The following GRAMD4 variants were observed in gnomAD, a reference collection of about 807,000 sequenced individuals.
GRAMD4 encodes GRAM domain containing 4, also known as GRAM domain-containing protein 4.
GRAMD4 carries 25 observed loss-of-function variants against 83.9 expected under a neutral mutation model. That is an observed-to-expected ratio of 0.30 (90% CI 0.22 to 0.42). The LOEUF is 0.42. Among genes scored for constraint, GRAMD4 ranks in the 10% least tolerant of loss-of-function variants. The pLI is 1.00. For synonymous variants in GRAMD4, 336 were observed against 320.9 expected (o/e 1.05, Z -0.50); for missense variants, 593 against 788.7 (o/e 0.75, Z 2.97).
At chr22:46,682,691 A>C (rs2082676772), downstream of GRAMD4, among the ~76,000 whole-genome samples, 1 of 152,240 alleles carries the variant, frequency 6.6e-6, no homozygotes, top group South Asian at 2.1e-4. Context: ...AATGCCTTCC[A>C]GTGTAGCACG....
chr22:46,680,885 CCT>C (rs2082666830), downstream of GRAMD4, among the ~76,000 whole-genome samples: 1 of 110,020 alleles, frequency 9.1e-6, no homozygotes, highest in African/African-American at 3.8e-5. Flanking sequence ...TATCCATCTA[CCT>C]ACCCATCCAT....
At chr22:46,670,522 G>A (rs929901354) in intron 13 of GRAMD4, among the ~76,000 whole-genome samples, 32 of 152,180 alleles carry the variant, frequency 2.1e-4, no homozygotes, top group African/African-American at 7.7e-4. Flanking sequence ...GTGCACTTGC[G>A]GCCCTGGACA....
At chr22:46,670,163 T>TG (rs1251872329) in intron 13 of GRAMD4, among the ~76,000 whole-genome samples, 1 of 152,198 alleles carries the variant, frequency 6.6e-6, no homozygotes, top group African/African-American at 2.4e-5. Flanking sequence ...AGAGGAGCAG[T>TG]GGGGGCTGTG....
In GRAMD4 at chr22:46,668,152, C is replaced by T. The variant is rs372744256; in HGVS notation, c.915C>T (p.Val305=). 1.1e-5 allele frequency: 18 copies of T among 1,611,670 alleles called. No homozygotes were observed. The highest frequency in any genetic ancestry group is 2.7e-5 in the African/African-American group (2 of 74,906). The change falls in exon 11 of 19, where the codon GTC becomes GTT. Residue 305 remains valine, a synonymous_variant. Transcript: ENST00000406902. The part of the protein sequence containing the change: ...VSEKFQLVLD[V]AQKAQNLFGK... ...AGAAGTTCCAGCTGGTGCTGGACGT[C>T]GCCCAGAAAGCCCAGGTACTGCCAC...
chr22:46,657,699 C>T (rs755140934), intron 3 of GRAMD4, among the ~76,000 whole-genome samples: 1 of 152,228 alleles, frequency 6.6e-6, no homozygotes, highest in African/African-American at 2.4e-5. Flanking sequence ...CTCAGGCCCC[C>T]TGGCCAGCTT....
intron 4 of GRAMD4, among the ~76,000 whole-genome samples, chr22:46,660,502 T>C (rs1283972056): frequency 6.6e-6 from 1 of 152,104 alleles, no homozygotes; most frequent in African/African-American, 2.4e-5. Context: ...GCGCACACAC[T>C]GCACACACAC....
rs927516549 is a variant in GRAMD4, at chr22:46,672,375, G to C, written c.1085-468G>C. On this transcript the variant is annotated intron_variant, in intron 13 of 18. Transcript: ENST00000406902. The surrounding 1 kb of genome is among the most constrained non-coding windows in gnomAD (Gnocchi z 4.7). ...TCTCAGCAGGGATGGGCTGGGCGTGGGGGGGCACCCAGTTGAAGAAGGGCA... is the reference window on the plus strand; with the variant it reads ...TCTCAGCAGGGATGGGCTGGGCGTGCGGGGGCACCCAGTTGAAGAAGGGCA... Among the ~76,000 whole-genome samples, 3 of 152,090 alleles carry C rather than the reference G, an allele frequency of 2.0e-5. No homozygotes were observed. Among genetic ancestry groups the C allele is most frequent in the East Asian group, 3.9e-4 (2 of 5,192 alleles).
Position 46,657,663 on chromosome 22 carries a change from C to T in GRAMD4, c.284-524C>T, listed in dbSNP as rs2082264087. 2.0e-5 allele frequency among the ~76,000 whole-genome samples: 3 copies of T among 152,218 alleles called. 1 individual carries two copies. In the East Asian group the frequency reaches 5.8e-4, roughly 29 times the overall value. On this transcript the variant is annotated intron_variant, in intron 3 of 18. Transcript: ENST00000406902. ...CTCCCGAGGCTTTCCCAGAGCAGCC[C>T]TGTGTCCAGCCTGCCCCGTGCTCTT... is the stretch of plus-strand genomic sequence containing the variant.
At chr22:46,627,715 G>A (rs1200614310) in intron 2 of GRAMD4, among the ~76,000 whole-genome samples, 1 of 152,210 alleles carries the variant, frequency 6.6e-6, no homozygotes, top group Non-Finnish European at 1.5e-5. Flanking sequence ...CTTTCCAGGT[G>A]TGGCCTGGGA....
At chr22:46,624,217 G>A (rs1177772274) in intron 1 of GRAMD4, among the ~76,000 whole-genome samples, 2 of 144,974 alleles carry the variant, frequency 1.4e-5, no homozygotes, top group Non-Finnish European at 3.0e-5. Flanking sequence ...TTGCCTGGTG[G>A]CCTGTTAGAC....
intron 1 of GRAMD4, among the ~76,000 whole-genome samples, chr22:46,624,414 C>T (rs1283591239): frequency 1.4e-5 from 2 of 144,778 alleles, no homozygotes; most frequent in Non-Finnish European, 3.0e-5. Flanking sequence ...CTGCAAGCTC[C>T]GCCTCCCGGG....
At chr22:46,605,776 ATCTC>A (rs2081359420) in intron 1 of GRAMD4, among the ~76,000 whole-genome samples, 1 of 145,130 alleles carries the variant, frequency 6.9e-6, no homozygotes, top group African/African-American at 2.6e-5. Context: ...GGTGCTGAGC[ATCTC>A]TGCATGGGCC....
Position 46,677,520 on chromosome 22 carries a change from CG to C in GRAMD4, c.*274del. 1 of 1,219,826 alleles carries C rather than the reference CG, an allele frequency of 8.2e-7. No homozygotes were observed. The highest frequency in any genetic ancestry group is 1.0e-6 in the Non-Finnish European group (1 of 973,440). The allele number at this position is 1,219,826 out of a possible 1,614,324, so 75.6% of individuals were successfully genotyped here. A position where few individuals can be genotyped will look rare whatever the true frequency, so the allele number is the denominator to read the frequency against. ...GACTGGGGGAGGGGGCAGAGGCCCT[CG>C]GGGGCCCGTGGAGAAGACACACAGG... On this transcript the variant is annotated 3_prime_UTR_variant, in exon 19 of 19. Transcript: ENST00000406902.
At chr22:46,577,344 C>T in intron 1 of GRAMD4, 2 of 974,898 alleles carry the variant, frequency 2.1e-6, no homozygotes, top group Non-Finnish European at 2.4e-6. Context: ...CCCGCGACCA[C>T]TCTCCCTTTT....
chr22:46,665,580 G>A (rs1348500100), intron 8 of GRAMD4, 35 bp from the exon 9 acceptor site: 13 of 1,186,678 alleles, frequency 1.1e-5, no homozygotes, highest in Non-Finnish European at 1.5e-5. Flanking sequence ...GATCCAAGCT[G>A]TCAGGAGGTC....
intron 1 of GRAMD4, among the ~76,000 whole-genome samples, chr22:46,582,863 G>A (rs1316100367): frequency 6.6e-6 from 1 of 152,190 alleles, no homozygotes; most frequent in Non-Finnish European, 1.5e-5. Context: ...AGGAACCTGG[G>A]CCTTCTAGAC....
intron 1 of GRAMD4, among the ~76,000 whole-genome samples, chr22:46,582,724 G>A (rs968302678): frequency 6.6e-5 from 10 of 152,170 alleles, no homozygotes; most frequent in African/African-American, 2.2e-4. Flanking sequence ...TGGCTGAGGT[G>A]TGTTTGTCAG....
chr22:46,675,599 A>G, intron 17 of GRAMD4, 47 bp downstream of exon 17: 1 of 1,224,668 alleles, frequency 8.2e-7, no homozygotes, highest in South Asian at 1.2e-5. Flanking sequence ...TTTCTTCGTC[A>G]CCTGACAGAG....
At chr22:46,680,584 A>ACCCACCCACCCAT (rs1569313383), downstream of GRAMD4, among the ~76,000 whole-genome samples, 105 of 141,700 alleles carry the variant, frequency 7.4e-4, 5 homozygotes, top group African/African-American at 2.8e-3. Context: ...CCATCCATCC[A>ACCCACCCACCCAT]TCCATCCATC....
Sources: gnomAD v4.1 joint callset for allele counts (sites outside exome capture counted in the v4.1 genomes callset) on GRCh38, gnomAD v4.1.1 for gene constraint, Gnocchi (gnomAD v3.1) non-coding constraint, MANE v1.5 for transcripts, NCBI Gene and HGNC (gene_info 2026-07-23, HGNC 2026-07-21) for gene names.